MYLK: variants seen among roughly 807,000 people sequenced by gnomAD.
The protein encoded by MYLK is myosin light chain kinase.
MYLK carries 106 observed loss-of-function variants against 203.4 expected under a neutral mutation model. The observed-to-expected ratio is 0.52, with a 90% CI of 0.45 to 0.61. The LOEUF (loss-of-function observed/expected upper bound fraction) is 0.61. Ranked by LOEUF, MYLK falls within the 20% of genes least tolerant of loss-of-function variation. The probability of loss-of-function intolerance (pLI) is 0.00; values close to 1 mark genes in which losing one functional copy is unlikely to be tolerated. For synonymous variants in MYLK, 867 were observed against 959.5 expected (o/e 0.90, Z 1.78); for missense variants, 2,072 against 2,442.3 (o/e 0.85, Z 3.20).
At chr3:123,746,309 C>T (rs1473767335) in intron 5 of MYLK, among the ~76,000 whole-genome samples, 1 of 26,388 alleles carries the variant, frequency 3.8e-5, no homozygotes, top group South Asian at 5.7e-3. Context: ...TATATCCTAG[C>T]ACAAAGTTCA....
chr3:123,816,213 C>T (rs1267581437), intron 3 of MYLK, among the ~76,000 whole-genome samples: 1 of 152,248 alleles, frequency 6.6e-6, no homozygotes, highest in Non-Finnish European at 1.5e-5. Context: ...TGTATGCATG[C>T]ATGGAAGCAT....
At chr3:123,722,106 C>G (rs374239167) in intron 13 of MYLK, 22 bp downstream of exon 13, 61 of 1,558,436 alleles carry the variant, frequency 3.9e-5, no homozygotes, top group Non-Finnish European at 7.8e-6. Flanking sequence ...GTGCTTCTAC[C>G]CAGGTGCCCA....
At chr3:123,861,837 C>T (rs564221388) in intron 2 of MYLK, among the ~76,000 whole-genome samples, 3 of 152,286 alleles carry the variant, frequency 2.0e-5, no homozygotes, top group African/African-American at 7.2e-5. Context: ...ATGGGCTTTT[C>T]TAGAAGTGGG....
At chr3:123,796,562 C>CA (rs2064994827) in intron 3 of MYLK, among the ~76,000 whole-genome samples, 1 of 152,096 alleles carries the variant, frequency 6.6e-6, no homozygotes, top group Non-Finnish European at 1.5e-5. Flanking sequence ...ATGTTTGCAC[C>CA]AAACAAAGGT....
intron 13 of MYLK, among the ~76,000 whole-genome samples, chr3:123,720,390 T>C (rs1316104594): frequency 6.6e-6 from 1 of 152,092 alleles, no homozygotes; most frequent in Non-Finnish European, 1.5e-5. Context: ...GGATTAGTCC[T>C]TGGCTGTGGC....
At chr3:123,850,015 T>C (rs928485243) in intron 2 of MYLK, among the ~76,000 whole-genome samples, 15 of 152,212 alleles carry the variant, frequency 9.9e-5, no homozygotes, top group Non-Finnish European at 2.1e-4. Flanking sequence ...GTCCTTGCGA[T>C]AGTTTGCTGA....
chr3:123,842,144 T>A (rs2066606461), intron 2 of MYLK, among the ~76,000 whole-genome samples: 1 of 152,052 alleles, frequency 6.6e-6, no homozygotes, highest in African/African-American at 2.4e-5. Flanking sequence ...TATATACTAT[T>A]CATAAGATGA....
intron 2 of MYLK, among the ~76,000 whole-genome samples, chr3:123,857,423 T>C (rs2031497970): frequency 6.6e-6 from 1 of 151,642 alleles, no homozygotes; most frequent in African/African-American, 2.4e-5. Flanking sequence ...ATAGACTGGA[T>C]TAAGAAAATG....
chr3:123,767,844 C>T lies in MYLK; in HGVS notation c.166-15306G>A, dbSNP rs542355856. ...TGGGCTGCTGAGAGAGGCCTGGTGG[C>T]CCTTGAGAAGATGACTTTATTTTGT... On this transcript the variant is annotated intron_variant, in intron 4 of 33. Transcript: ENST00000360304. 2.4e-4 allele frequency among the ~76,000 whole-genome samples: 37 copies of T among 152,246 alleles called. 2 individuals carry two copies. In the South Asian group the frequency reaches 7.5e-3, roughly 31 times the overall value.
intron 26 of MYLK, among the ~76,000 whole-genome samples, chr3:123,647,966 C>T (rs1315747378): frequency 2.0e-5 from 3 of 152,182 alleles, no homozygotes; most frequent in African/African-American, 7.2e-5. Context: ...TTCCCAAATG[C>T]AGAGTATTAC....
intron 4 of MYLK, among the ~76,000 whole-genome samples, chr3:123,772,679 C>A (rs937061516): frequency 4.0e-5 from 6 of 151,812 alleles, no homozygotes; most frequent in African/African-American, 1.5e-4. Context: ...AAAAAGTTTG[C>A]ATGACTAAAT....
intron 19 of MYLK, chr3:123,691,461 A>G (rs2060662249): frequency 6.6e-6 from 1 of 152,264 alleles, no homozygotes; most frequent in Admixed American, 6.5e-5. Flanking sequence ...AGAAGTACAC[A>G]GTATTAGATG....
intron 18 of MYLK, among the ~76,000 whole-genome samples, 183 bp downstream of exon 18, chr3:123,699,837 T>C (rs1247176198): frequency 1.3e-5 from 2 of 152,208 alleles, no homozygotes; most frequent in East Asian, 1.9e-4. Flanking sequence ...AGCCGGGACC[T>C]ATCCTTGAGT....
At chr3:123,662,315 G>C (rs545372612) in intron 23 of MYLK, among the ~76,000 whole-genome samples, 1 of 152,256 alleles carries the variant, frequency 6.6e-6, no homozygotes, top group South Asian at 2.1e-4. Flanking sequence ...TTCAGATTAG[G>C]CCTCAGTTTC....
At position 123,708,807 on chromosome 3, in the gene MYLK, C is replaced by A. The variant is rs1209180365; in HGVS notation, c.2031G>T (p.Gln677His). 2.5e-6 allele frequency: 4 copies of A among 1,614,202 alleles called. No homozygotes were observed. In the South Asian group the frequency reaches 3.3e-5, roughly 13 times the overall value. The change falls in exon 15 of 34, where the codon CAG becomes CAT. Residue 677 changes from glutamine to histidine, a missense_variant. Physicochemically the swap from Gln to His is conservative, Grantham distance 24 (BLOSUM62 0). Around this residue, in one of 3 missense-constraint regions of MYLK, gnomAD observed 865 missense variants for 1,016.0 expected, o/e 0.85. Coordinates refer to ENST00000360304, the MANE Select transcript of MYLK (RefSeq NM_053025.4). Reference protein sequence around the residue: ...EDFHFEQRGTQHSLCIQEVFP... With the variant: ...EDFHFEQRGTHHSLCIQEVFP... ...ACACTTCCTGGATACAAAGGCTGTG[C>A]TGAGTTCCTCTCTGTTCAAAGTGGA...
In MYLK at chr3:123,648,821, G is replaced by A. The variant is rs539942721; in HGVS notation, c.4415+150C>T. 1.2e-5 allele frequency: 9 copies of A among 726,398 alleles called. No individual in the cohort carries two copies. Among genetic ancestry groups the A allele is most frequent in the South Asian group, 6.0e-5 (4 of 66,178 alleles). The allele number at this position is 726,398 out of a possible 1,614,324, so 45.0% of individuals were successfully genotyped here. The stretch of plus-strand genomic sequence containing the variant: ...TCCTGGGTGAGTGAGTGATGCTTTC[G>A]TGGGTCAGTCCTTTGGATCCTGCAG... On this transcript the variant is annotated intron_variant, in intron 26 of 33. Coordinates refer to ENST00000360304, the MANE Select transcript of MYLK (RefSeq NM_053025.4). The surrounding 1 kb of genome is among the most constrained non-coding windows in gnomAD (Gnocchi z 4.5).
At chr3:123,786,608 C>A (rs2064540852) in intron 4 of MYLK, among the ~76,000 whole-genome samples, 1 of 151,400 alleles carries the variant, frequency 6.6e-6, no homozygotes, top group South Asian at 2.1e-4. Context: ...CAACAGGGTA[C>A]CTATAGTCAA....
chr3:123,640,165 G>T lies in MYLK; in HGVS notation c.4837+122C>A. The T allele has an allele frequency of 1.1e-6, 1 of 901,466 alleles. No homozygotes were observed. Among genetic ancestry groups the T allele is most frequent in the East Asian group, 2.5e-5 (1 of 39,568 alleles). 55.8% of individuals were successfully genotyped at this position (901,466 alleles called of 1,614,324 possible). The stretch of plus-strand genomic sequence containing the variant: ...TGTGGTAGGGGCAGGATTCAAACCT[G>T]GGAAGTCTTCATGGTCTCGGATTTA... On this transcript the variant is annotated intron_variant, in intron 28 of 33. Coordinates refer to ENST00000360304, the MANE Select transcript of MYLK (RefSeq NM_053025.4). This position sits in a 1 kb window ranked among gnomAD's most constrained non-coding sequence, Gnocchi z 4.3.
At chr3:123,665,071 A>G (rs1436037028) in intron 22 of MYLK, among the ~76,000 whole-genome samples, 2 of 152,372 alleles carry the variant, frequency 1.3e-5, no homozygotes, top group East Asian at 1.9e-4. Context: ...TTGTGAATCT[A>G]CTGAAAACCA....
Sources: allele counts gnomAD v4.1 joint callset (sites outside exome capture counted in the v4.1 genomes callset), GRCh38; gene constraint gnomAD v4.1.1; regional missense constraint gnomAD v4.1.1; non-coding constraint Gnocchi (gnomAD v3.1); transcripts MANE v1.5; gene names NCBI Gene and HGNC (gene_info 2026-07-23, HGNC 2026-07-21).